Variants in LNX2 observed in about 807,000 individuals in gnomAD.
The protein encoded by LNX2 is ligand of numb-protein X 2, also known as ligand of Numb protein X 2.
A neutral mutation model predicts 66.2 loss-of-function variants in LNX2; 35 were observed. The ratio of observed to expected loss-of-function variants is 0.53; its 90% CI spans 0.40 to 0.70. The LOEUF (loss-of-function observed/expected upper bound fraction) is 0.70. Among genes scored for constraint, LNX2 ranks in the 30% least tolerant of loss-of-function variants. The pLI, the probability that LNX2 is intolerant of heterozygous loss-of-function variation, is 0.00. For missense variants in LNX2, 791 were observed against 850.8 expected (o/e 0.93, Z 0.87); for synonymous variants, 337 against 315.6 (o/e 1.07, Z -0.72).
At chr13:27,616,605 T>C (rs1445604482) in intron 1 of LNX2, among the ~76,000 whole-genome samples, 1 of 152,184 alleles carries the variant, frequency 6.6e-6, no homozygotes, top group Non-Finnish European at 1.5e-5. Flanking sequence ...TTTAAGTACT[T>C]AGGGATTCTG....
At chr13:27,619,487 T>C (rs544610653) in intron 1 of LNX2, among the ~76,000 whole-genome samples, 90 of 152,360 alleles carry the variant, frequency 5.9e-4, no homozygotes, top group African/African-American at 1.9e-3. Context: ...CGCAAGAATG[T>C]GAAATTCTTA....
At chr13:27,587,815 A>T (rs1227995667) in intron 1 of LNX2, among the ~76,000 whole-genome samples, 1 of 151,982 alleles carries the variant, frequency 6.6e-6, no homozygotes, top group African/African-American at 2.4e-5. Flanking sequence ...AGGTCAGGAG[A>T]TCAAGACCAT....
intron 8 of LNX2, among the ~76,000 whole-genome samples, chr13:27,551,975 G>A (rs1955013523): frequency 6.6e-6 from 1 of 152,166 alleles, no homozygotes; most frequent in African/African-American, 2.4e-5. Flanking sequence ...ACACATGGCT[G>A]TTGAATATAG....
At chr13:27,552,259 C>T (rs1955015809) in intron 8 of LNX2, among the ~76,000 whole-genome samples, 1 of 152,288 alleles carries the variant, frequency 6.6e-6, no homozygotes, top group Non-Finnish European at 1.5e-5. Flanking sequence ...CTCTGCCTGC[C>T]CCATCATTAG....
chr13:27,568,970 C>T, intron 3 of LNX2, 59 bp downstream of exon 3: 2 of 1,479,264 alleles, frequency 1.4e-6, no homozygotes, highest in East Asian at 2.5e-5. Flanking sequence ...ACATGTTGGG[C>T]AAGTAGTGGG....
intron 1 of LNX2, among the ~76,000 whole-genome samples, chr13:27,613,130 C>A (rs1043026213): frequency 6.6e-6 from 1 of 152,098 alleles, no homozygotes; most frequent in Admixed American, 6.5e-5. Flanking sequence ...TTAATCTGAA[C>A]AGGGGCGTTA....
chr13:27,579,558 T>C (rs920598350), intron 2 of LNX2, among the ~76,000 whole-genome samples: 1 of 152,206 alleles, frequency 6.6e-6, no homozygotes, highest in Non-Finnish European at 1.5e-5. Flanking sequence ...ACATTCTCAT[T>C]ATAAATGGTT....
chr13:27,572,074 C>T (rs1040776448), intron 2 of LNX2, among the ~76,000 whole-genome samples: 3 of 152,156 alleles, frequency 2.0e-5, no homozygotes, highest in Admixed American at 2.0e-4. Flanking sequence ...GTGTATCATA[C>T]TAAATTCATT....
chr13:27,553,128 T>A, intron 8 of LNX2, 80 bp downstream of exon 8: 1 of 1,161,124 alleles, frequency 8.6e-7, no homozygotes, highest in Non-Finnish European at 1.2e-6. Flanking sequence ...TCCCAACGAG[T>A]AAATTTATCA....
chr13:27,580,772 T>G (rs1008161541), intron 2 of LNX2, among the ~76,000 whole-genome samples: 1 of 152,218 alleles, frequency 6.6e-6, no homozygotes, highest in African/African-American at 2.4e-5. Context: ...AATTATCGTT[T>G]TTATTGGCTG....
chr13:27,600,630 T>C (rs963823070), intron 1 of LNX2, among the ~76,000 whole-genome samples: 11 of 152,160 alleles, frequency 7.2e-5, no homozygotes, highest in Non-Finnish European at 1.0e-4. Flanking sequence ...AAGATAGGTG[T>C]TACTGACTCG....
Position 27,618,414 on chromosome 13 carries a change from AAT to A in LNX2, c.-101+1959_-101+1960del, listed in dbSNP as rs1342452302. ...GCCTGATTCCACCCCAGGTAATCTGAATAGAGAATCCCTGAGCACTTAACCCC... is the reference window on the plus strand; with the variant it reads ...GCCTGATTCCACCCCAGGTAATCTGAAGAGAATCCCTGAGCACTTAACCCC... On this transcript the variant is annotated intron_variant, in intron 1 of 9. Transcript: ENST00000316334. Among the ~76,000 whole-genome samples, 16 of 152,302 alleles carry A rather than the reference AAT, an allele frequency of 1.1e-4. No homozygotes were observed. The East Asian group carries it at 1.9e-3, about 18-fold the overall frequency.
At chr13:27,587,584 A>C (rs1455178607) in intron 1 of LNX2, among the ~76,000 whole-genome samples, 1 of 152,168 alleles carries the variant, frequency 6.6e-6, no homozygotes, top group Non-Finnish European at 1.5e-5. Context: ...CAGCCCGTTA[A>C]TTTACAAATG....
chr13:27,572,629 TCTC>T (rs1215170883), intron 2 of LNX2, among the ~76,000 whole-genome samples: 4 of 152,192 alleles, frequency 2.6e-5, no homozygotes, highest in African/African-American at 9.6e-5. Context: ...CTATTCTGGC[TCTC>T]CTCCTAAGGG....
chr13:27,582,701 T>C (rs971684470), intron 1 of LNX2, among the ~76,000 whole-genome samples: 2 of 151,406 alleles, frequency 1.3e-5, no homozygotes, highest in African/African-American at 4.9e-5. Context: ...TGAGAAGAAA[T>C]GGACACAGGG....
chr13:27,564,270 G>A (rs1955176889), intron 4 of LNX2, among the ~76,000 whole-genome samples: 2 of 152,170 alleles, frequency 1.3e-5, no homozygotes, highest in South Asian at 2.1e-4. Flanking sequence ...GGTTGCCAGT[G>A]AAATTCAGAG....
intron 6 of LNX2, among the ~76,000 whole-genome samples, chr13:27,559,109 T>C (rs17085760): frequency 6.6e-6 from 1 of 152,124 alleles, no homozygotes; most frequent in Non-Finnish European, 1.5e-5. Context: ...AAATGAAGGA[T>C]GAAATGAAGT....
intron 1 of LNX2, among the ~76,000 whole-genome samples, chr13:27,583,698 T>G (rs1955450357): frequency 6.6e-6 from 1 of 152,206 alleles, no homozygotes; most frequent in African/African-American, 2.4e-5. Context: ...AGCTCTGTAT[T>G]TCTTCTTCTG....
chr13:27,589,527 G>T (rs1047374641), intron 1 of LNX2, among the ~76,000 whole-genome samples: 3 of 151,942 alleles, frequency 2.0e-5, no homozygotes, highest in African/African-American at 7.3e-5. Context: ...CTATATAAGG[G>T]AGGTCAAATT....
Sources: gnomAD v4.1 joint callset for allele counts (sites outside exome capture counted in the v4.1 genomes callset) on GRCh38, gnomAD v4.1.1 for gene constraint, MANE v1.5 for transcripts, NCBI Gene and HGNC (gene_info 2026-07-23, HGNC 2026-07-21) for gene names.